Variants in CAPN13 observed in about 807,000 individuals in gnomAD.
The protein encoded by CAPN13 is calpain 13.
A neutral mutation model predicts 98.4 loss-of-function variants in CAPN13; 90 were observed. That is an observed-to-expected ratio of 0.92 (90% CI 0.77 to 1.09). CAPN13 has a LOEUF of 1.09. Among genes scored for constraint, CAPN13 ranks in the 50% least tolerant of loss-of-function variants. The pLI is 0.00. For synonymous variants in CAPN13, 330 were observed against 305.5 expected (o/e 1.08, Z -0.84); for missense variants, 887 against 841.3 (o/e 1.05, Z -0.67).
intron 15 of CAPN13, among the ~76,000 whole-genome samples, 198 bp from the exon 16 acceptor site, chr2:30,738,655 G>A (rs952160182): frequency 6.6e-6 from 1 of 152,156 alleles, no homozygotes; most frequent in Non-Finnish European, 1.5e-5. Context: ...TGTCGTGTTG[G>A]TCACTCCTGA....
intron 2 of CAPN13, among the ~76,000 whole-genome samples, chr2:30,784,493 G>A (rs1397069824): frequency 9.9e-5 from 15 of 152,186 alleles, no homozygotes; most frequent in Admixed American, 9.8e-4. Flanking sequence ...TGTGGTACAG[G>A]TGCCATTTTT....
At chr2:30,798,028 G>A (rs1674978119) in intron 1 of CAPN13, among the ~76,000 whole-genome samples, 1 of 152,228 alleles carries the variant, frequency 6.6e-6, no homozygotes, top group African/African-American at 2.4e-5. Context: ...TTCAGACGGT[G>A]GAAGGAGTCA....
At chr2:30,723,793 T>G (rs952796266) in intron 22 of CAPN13, among the ~76,000 whole-genome samples, 1 of 152,168 alleles carries the variant, frequency 6.6e-6, no homozygotes, top group Non-Finnish European at 1.5e-5. Flanking sequence ...AGGCCTCAAC[T>G]CTTCTTCCCT....
At chr2:30,746,198 C>T (rs564505524) in intron 11 of CAPN13, among the ~76,000 whole-genome samples, 7 of 152,148 alleles carry the variant, frequency 4.6e-5, no homozygotes, top group African/African-American at 1.7e-4. Context: ...TGCCTGGCCA[C>T]CACAAAGGAT....
chr2:30,742,701 G>A (rs926758111), intron 13 of CAPN13, among the ~76,000 whole-genome samples: 2 of 152,120 alleles, frequency 1.3e-5, no homozygotes, highest in Admixed American at 1.3e-4. Context: ...GACTTAGAAG[G>A]TCTCACCAAT....
intron 13 of CAPN13, among the ~76,000 whole-genome samples, chr2:30,742,833 G>C (rs1344701093): frequency 6.6e-6 from 1 of 152,138 alleles, no homozygotes; most frequent in East Asian, 1.9e-4. Flanking sequence ...TGGCATGGAA[G>C]ACCCTCCATG....
chr2:30,745,694 C>T lies in CAPN13; in HGVS notation c.1248+29G>A, dbSNP rs183879735. The T allele has an allele frequency of 1.3e-4, 215 of 1,595,858 alleles. 2 individuals are homozygous for T. In the East Asian group the frequency reaches 4.4e-3, roughly 33 times the overall value. ...CTCCACCAGCAGACAGCAGCAGAGG[C>T]GCAGGGCAAGGACGACGCTGAGCCA... On this transcript the variant is annotated intron_variant, in intron 12 of 22. Transcript: ENST00000295055.
intron 2 of CAPN13, among the ~76,000 whole-genome samples, chr2:30,782,361 C>A (rs1209238353): frequency 6.6e-6 from 1 of 152,184 alleles, no homozygotes; most frequent in Non-Finnish European, 1.5e-5. Flanking sequence ...GCGTCACTCC[C>A]TTTTCTATTT....
In CAPN13 at chr2:30,763,272, T is replaced by C. The variant is rs1244682690; in HGVS notation, c.700-116A>G. ...TGGGCCTCACTGACTCACTTGGGAC[T>C]GGTATATGGCCTGGAACTCTTTTCT... On this transcript the variant is annotated intron_variant, in intron 6 of 22. Transcript: ENST00000295055. 3.6e-6 allele frequency: 3 copies of C among 825,276 alleles called. No homozygotes were observed. In the African/African-American group the frequency reaches 5.0e-5, roughly 14 times the overall value. 51.1% of individuals were successfully genotyped at this position (825,276 alleles called of 1,614,324 possible).
chr2:30,727,023 C>T (rs994995099), intron 22 of CAPN13, among the ~76,000 whole-genome samples: 5 of 152,108 alleles, frequency 3.3e-5, no homozygotes, highest in East Asian at 3.8e-4. Flanking sequence ...CAGAAAGGAA[C>T]GTCCATAAAT....
intron 2 of CAPN13, among the ~76,000 whole-genome samples, chr2:30,783,294 G>A (rs1266252911): frequency 6.6e-6 from 1 of 152,144 alleles, no homozygotes; most frequent in Non-Finnish European, 1.5e-5. Context: ...CTGAGACCAG[G>A]GTTGTAGGAA....
In CAPN13 at chr2:30,751,219, A is replaced by G; in HGVS notation, c.1120T>C (p.Ser374Pro). The change falls in exon 11 of 23, where the codon TCT (serine) becomes CCT (proline). Residue 374 changes from serine to proline, a missense_variant. By Grantham distance (74) the Ser-to-Pro change is moderately conservative (BLOSUM62 -1). Transcript: ENST00000295055. ...GTGCCTTCCATTGGCTCTTGCACAG[A>G]GAAGTTGAATTGAGCATCATTCCGA... ...GPRNDAQFNF[S>P]VQEPMEGTNV... The G allele has an allele frequency of 6.2e-7, 1 of 1,613,970 alleles. No individual in the cohort carries two copies. Among genetic ancestry groups the G allele is most frequent in the Non-Finnish European group, 8.5e-7 (1 of 1,179,874 alleles).
At position 30,770,432 on chromosome 2, in the gene CAPN13, C is replaced by G; in HGVS notation, c.405G>C (p.Gln135His). 1 of 1,613,966 alleles carries G rather than the reference C, an allele frequency of 6.2e-7. No homozygotes were observed. Among genetic ancestry groups the G allele is most frequent in the Non-Finnish European group, 8.5e-7 (1 of 1,179,836 alleles). Residue 135 changes from glutamine (Q) to histidine (H), a missense_variant, in exon 5 of 23, where the codon CAG becomes CAC. Coordinates refer to ENST00000295055, the MANE Select transcript of CAPN13 (RefSeq NM_144575.3). ...IFRFRFWQCG[Q>H]WVEVVIDDRL... Reference sequence around the variant, plus strand: ...GGTCATCAATCACCACTTCCACCCACTGGCCACATTGCCAGAACTGGAAGA... The same window carrying G: ...GGTCATCAATCACCACTTCCACCCAGTGGCCACATTGCCAGAACTGGAAGA...
At chr2:30,726,526 G>A (rs1484523899) in intron 22 of CAPN13, among the ~76,000 whole-genome samples, 1 of 152,106 alleles carries the variant, frequency 6.6e-6, no homozygotes, top group African/African-American at 2.4e-5. Flanking sequence ...AACAAGTTTA[G>A]CAAGGTTGCA....
chr2:30,802,139 G>C (rs1041725660), intron 1 of CAPN13, among the ~76,000 whole-genome samples: 2 of 152,158 alleles, frequency 1.3e-5, no homozygotes, highest in African/African-American at 4.8e-5. Flanking sequence ...CGAGTAGGCT[G>C]AGCCCTGGAC....
Position 30,744,448 on chromosome 2 carries a change from T to C in CAPN13, c.1249-869A>G, listed in dbSNP as rs144932806. 2.8e-3 allele frequency among the ~76,000 whole-genome samples: 421 copies of C among 152,288 alleles called. 1 individual carries two copies. Among genetic ancestry groups the C allele is most frequent in the Non-Finnish European group, 4.3e-3 (294 of 68,022 alleles). On this transcript the variant is annotated intron_variant, in intron 12 of 22. Coordinates refer to ENST00000295055, the MANE Select transcript of CAPN13 (RefSeq NM_144575.3). ...GGAGCCTGACTTGCTTGGGCCCTTA[T>C]GGCAAAAGCAATGATGGAATCAGTT...
chr2:30,745,607 G>T, intron 12 of CAPN13, 116 bp downstream of exon 12: 2 of 1,000,134 alleles, frequency 2.0e-6, no homozygotes, highest in Non-Finnish European at 3.0e-6. Context: ...GTAAGACTTA[G>T]CGAGACTGAA....
At chr2:30,727,055 T>A (rs1279848191) in intron 22 of CAPN13, among the ~76,000 whole-genome samples, 1 of 152,156 alleles carries the variant, frequency 6.6e-6, no homozygotes, top group Non-Finnish European at 1.5e-5. Flanking sequence ...TTAAATTGAT[T>A]TTTGAAAAGG....
chr2:30,773,704 C>T (rs1572853434), intron 4 of CAPN13, among the ~76,000 whole-genome samples: 1 of 152,242 alleles, frequency 6.6e-6, no homozygotes, highest in South Asian at 2.1e-4. Flanking sequence ...AAGTGTAAAG[C>T]CAGAGCACCT....
Sources: gnomAD v4.1 joint callset for allele counts (sites outside exome capture counted in the v4.1 genomes callset) on GRCh38, gnomAD v4.1.1 for gene constraint, MANE v1.5 for transcripts, NCBI Gene and HGNC (gene_info 2026-07-23, HGNC 2026-07-21) for gene names.